Variants in SPMIP2 observed in about 807,000 individuals in gnomAD.
SPMIP2 encodes protein SPMIP2.
the SPMIP2 span, among the ~76,000 whole-genome samples, chr4:159,000,494 C>CTTTTT: frequency 7.7e-6 from 1 of 130,002 alleles, no homozygotes; most frequent in Non-Finnish European, 1.6e-5. Flanking sequence ...TCTTCTTCTT[C>CTTTTT]TTTTTTTTTT....
chr4:158,911,383 T>TAAATAAATAAATAAATAAAA, the SPMIP2 span, among the ~76,000 whole-genome samples: 2 of 76,324 alleles, frequency 2.6e-5, no homozygotes, highest in African/African-American at 1.6e-4. Context: ...AATAAATAAA[T>TAAATAAATAAATAAATAAAA]AAAATAAATA....
chr4:159,018,814 G>T, the SPMIP2 span, among the ~76,000 whole-genome samples: 4 of 152,140 alleles, frequency 2.6e-5, no homozygotes, highest in Non-Finnish European at 5.9e-5. Flanking sequence ...AATTAGGCTG[G>T]GCACAGTGGC....
At chr4:159,045,218 T>C in the SPMIP2 span, among the ~76,000 whole-genome samples, 11 of 152,156 alleles carry the variant, frequency 7.2e-5, no homozygotes, top group Non-Finnish European at 1.2e-4. Context: ...AGGCCAAAGA[T>C]AAAAATATTC....
At chr4:159,007,511 A>G in the SPMIP2 span, 1 of 828,990 alleles carries the variant, frequency 1.2e-6, no homozygotes, top group East Asian at 3.3e-5. Flanking sequence ...GATCCTCAAG[A>G]TTGAAGATGG....
chr4:158,904,520 T>C, the SPMIP2 span: 1 of 1,613,234 alleles, frequency 6.2e-7, no homozygotes, highest in Non-Finnish European at 8.5e-7. Context: ...CTCATTCTCC[T>C]TATGTGGCTC....
the SPMIP2 span, among the ~76,000 whole-genome samples, chr4:158,912,956 C>T: frequency 6.6e-6 from 1 of 152,166 alleles, no homozygotes; most frequent in African/African-American, 2.4e-5. Flanking sequence ...CATGAGGCAA[C>T]GTCACTTATC....
chr4:158,930,217 C>T, the SPMIP2 span, among the ~76,000 whole-genome samples: 1 of 91,060 alleles, frequency 1.1e-5, no homozygotes, highest in Non-Finnish European at 2.1e-5. Flanking sequence ...CTCTCTCTCT[C>T]ACTCGCTCTG....
the SPMIP2 span, among the ~76,000 whole-genome samples, chr4:159,019,199 T>C: frequency 6.8e-6 from 1 of 147,900 alleles, no homozygotes; most frequent in Admixed American, 7.0e-5. Context: ...CTGCCTGTGA[T>C]ATACCCAAGT....
At chr4:158,980,369 C>T in the SPMIP2 span, among the ~76,000 whole-genome samples, 1 of 152,146 alleles carries the variant, frequency 6.6e-6, no homozygotes, top group Non-Finnish European at 1.5e-5. Context: ...GGTCAAACTG[C>T]CTCCTCAACT....
At chr4:158,904,135 A>C in the SPMIP2 span, among the ~76,000 whole-genome samples, 4 of 152,224 alleles carry the variant, frequency 2.6e-5, no homozygotes, top group Non-Finnish European at 4.4e-5. Context: ...AATACCTTAA[A>C]GTATGATACA....
the SPMIP2 span, among the ~76,000 whole-genome samples, chr4:159,046,845 T>A: frequency 5.9e-5 from 9 of 152,368 alleles, 1 homozygote; most frequent in East Asian, 1.7e-3. Flanking sequence ...AGTGCTGGGA[T>A]TACAGGCGTG....
At chr4:158,987,673 A>C in the SPMIP2 span, among the ~76,000 whole-genome samples, 2 of 152,140 alleles carry the variant, frequency 1.3e-5, no homozygotes, top group Admixed American at 6.5e-5. Context: ...AGCTATACCT[A>C]ATGCTAAATG....
At chr4:159,050,332 G>A in the SPMIP2 span, among the ~76,000 whole-genome samples, 1 of 150,052 alleles carries the variant, frequency 6.7e-6, no homozygotes, top group East Asian at 2.0e-4. Context: ...GGAAAGGGAG[G>A]TGTGATAGCA....
chr4:158,992,907 T>C, the SPMIP2 span, among the ~76,000 whole-genome samples: 1 of 152,156 alleles, frequency 6.6e-6, no homozygotes, highest in Non-Finnish European at 1.5e-5. Flanking sequence ...GCCGTTAAAT[T>C]TCAACACCTG....
the SPMIP2 span, among the ~76,000 whole-genome samples, chr4:159,025,622 T>A: frequency 6.6e-6 from 1 of 152,100 alleles, no homozygotes; most frequent in Admixed American, 6.5e-5. Flanking sequence ...GGTTGGCTTA[T>A]TAAGAAAAAA....
At chr4:159,081,710 AG>A in the SPMIP2 span, among the ~76,000 whole-genome samples, 1 of 151,422 alleles carries the variant, frequency 6.6e-6, no homozygotes, top group African/African-American at 2.4e-5. Flanking sequence ...AGAGAGAGAG[AG>A]AAAAAAACAA....
At chr4:158,977,849 C>T in the SPMIP2 span, among the ~76,000 whole-genome samples, 131 of 152,188 alleles carry the variant, frequency 8.6e-4, 1 homozygote, top group Non-Finnish European at 1.4e-3. Flanking sequence ...CTCCTGACCT[C>T]GTGATCTGCG....
chr4:158,971,149 G>C, the SPMIP2 span, among the ~76,000 whole-genome samples: 1 of 152,146 alleles, frequency 6.6e-6, no homozygotes, highest in Non-Finnish European at 1.5e-5. Context: ...TTAAGTTAAA[G>C]ATAAAGAGGG....
At chr4:159,040,337 A>T in the SPMIP2 span, among the ~76,000 whole-genome samples, 1 of 151,534 alleles carries the variant, frequency 6.6e-6, no homozygotes, top group Non-Finnish European at 1.5e-5. Context: ...ATACCTGGCT[A>T]ATTTTTTGCA....
Sources: allele counts gnomAD v4.1 joint callset (sites outside exome capture counted in the v4.1 genomes callset), GRCh38; gene constraint gnomAD v4.1.1; transcripts MANE v1.5; gene names NCBI Gene and HGNC (gene_info 2026-07-23, HGNC 2026-07-21).